IFT88: variants seen among roughly 807,000 people sequenced by gnomAD.
IFT88 encodes the protein intraflagellar transport protein 88 homolog.
In IFT88, 74 loss-of-function variants were observed where a neutral mutation model predicts 119.5. The observed-to-expected ratio is 0.62, with a 90% CI of 0.51 to 0.75. The LOEUF (loss-of-function observed/expected upper bound fraction) is 0.75, where lower values mean the gene tolerates loss of function less well. Ranked by LOEUF, IFT88 falls within the 30% of genes least tolerant of loss-of-function variation. IFT88 has a pLI of 0.00. For missense variants in IFT88, 961 were observed against 977.7 expected (o/e 0.98, Z 0.23); for synonymous variants, 279 against 316.7 (o/e 0.88, Z 1.26).
chr13:20,645,223 G>A (rs974301114), intron 20 of IFT88, among the ~76,000 whole-genome samples: 14 of 152,060 alleles, frequency 9.2e-5, no homozygotes, highest in African/African-American at 3.1e-4. Flanking sequence ...CCGAGTAGCT[G>A]GGATTACAGT....
chr13:20,583,341 A>G (rs2039066956), intron 3 of IFT88, among the ~76,000 whole-genome samples: 1 of 152,184 alleles, frequency 6.6e-6, no homozygotes, highest in Non-Finnish European at 1.5e-5. Flanking sequence ...TGACTGGCTT[A>G]TTCACTTAGT....
At chr13:20,668,193 G>T (rs988798984) in intron 23 of IFT88, among the ~76,000 whole-genome samples, 6 of 152,160 alleles carry the variant, frequency 3.9e-5, no homozygotes, top group African/African-American at 1.4e-4. Flanking sequence ...CACAGAGTCT[G>T]TCCTGTTGCC....
intron 20 of IFT88, among the ~76,000 whole-genome samples, chr13:20,651,264 T>C (rs1436228190): frequency 2.0e-5 from 3 of 151,790 alleles, no homozygotes; most frequent in Non-Finnish European, 4.4e-5. Flanking sequence ...TTGAGTAGTA[T>C]TGTTTTCTTA....
rs75483166 is a variant in IFT88 at position 20,610,383 on chromosome 13, G to A, written c.1112+5278G>A. Among the ~76,000 whole-genome samples, 500 of 152,218 alleles carry A rather than the reference G, an allele frequency of 3.3e-3. 1 individual carries two copies. Among genetic ancestry groups the A allele is most frequent in the African/African-American group, 0.011 (453 of 41,522 alleles). The stretch of plus-strand genomic sequence containing the variant: ...GTATTATTTTTCAGAAGAATTTGCC[G>A]TGTGCCTTCACCGAAGGCAGTCAAG... On this transcript the variant is annotated intron_variant, in intron 13 of 25. Coordinates refer to ENST00000351808, the MANE Select transcript of IFT88 (RefSeq NM_006531.5).
chr13:20,620,722 C>T (rs2046338994), intron 14 of IFT88, among the ~76,000 whole-genome samples: 3 of 152,194 alleles, frequency 2.0e-5, no homozygotes, highest in East Asian at 1.9e-4. Flanking sequence ...CCTGCCACCA[C>T]GCCTGGCTAA....
At chr13:20,586,864 ATT>A (rs1309040093) in intron 3 of IFT88, among the ~76,000 whole-genome samples, 3 of 152,022 alleles carry the variant, frequency 2.0e-5, no homozygotes, top group African/African-American at 7.2e-5. Flanking sequence ...CAATTCAGAC[ATT>A]TGTTTTCCTA....
At chr13:20,575,797 C>G (rs1394232509) in intron 2 of IFT88, among the ~76,000 whole-genome samples, 1 of 152,172 alleles carries the variant, frequency 6.6e-6, no homozygotes, top group Non-Finnish European at 1.5e-5. Flanking sequence ...ATTTTAATTG[C>G]AAAACTGCAA....
intron 22 of IFT88, 156 bp from the exon 23 acceptor site, chr13:20,663,342 A>G: frequency 1.3e-6 from 2 of 1,519,272 alleles, no homozygotes; most frequent in Non-Finnish European, 1.8e-6. Context: ...TCCCTGGTCC[A>G]GAGATTGCAA....
rs1566207521 is a variant in IFT88, at chr13:20,615,994, ATC to A, written c.1199+116_1199+117del. 3 of 528,186 alleles carry A rather than the reference ATC, an allele frequency of 5.7e-6. No homozygotes were observed. In the African/African-American group the frequency reaches 6.0e-5, roughly 10 times the overall value. The allele number at this position is 528,186 out of a possible 1,614,324, so 32.7% of individuals were successfully genotyped here. ...TGGATATGAATGTTGATTCATATTT[ATC>A]AAGCAGATAATATTGTATGTTCAGA... On this transcript the variant is annotated intron_variant, in intron 14 of 25. Transcript: ENST00000351808.
chr13:20,607,577 G>A lies in IFT88; in HGVS notation c.1112+2472G>A, dbSNP rs544505442. 5.6e-5 allele frequency: 41 copies of A among 738,336 alleles called. No individual in the cohort carries two copies. The South Asian group carries it at 5.8e-4, about 10-fold the overall frequency. The allele number at this position is 738,336 out of a possible 1,614,324, so 45.7% of individuals were successfully genotyped here. On this transcript the variant is annotated intron_variant, in intron 13 of 25. Transcript: ENST00000351808. ...TCTCCAAAAAGATCTTGAGAGATTTGCGGATCCACCATCTCCCGCTGCTCA... is the reference window on the plus strand; with the variant it reads ...TCTCCAAAAAGATCTTGAGAGATTTACGGATCCACCATCTCCCGCTGCTCA...
chr13:20,571,652 G>A (rs1004258522), intron 1 of IFT88, among the ~76,000 whole-genome samples: 1 of 152,190 alleles, frequency 6.6e-6, no homozygotes, highest in South Asian at 2.1e-4. Context: ...GTGGTCTTTG[G>A]TATGTCCAAA....
chr13:20,614,855 AC>A (rs1484529528), intron 13 of IFT88, among the ~76,000 whole-genome samples: 1 of 135,038 alleles, frequency 7.4e-6, no homozygotes, highest in African/African-American at 2.7e-5. Context: ...TCACTCTATC[AC>A]CCAGGCTGGA....
intron 13 of IFT88, among the ~76,000 whole-genome samples, chr13:20,606,018 T>G (rs2043375307): frequency 3.8e-5 from 1 of 26,018 alleles, no homozygotes; most frequent in Admixed American, 6.8e-4. Flanking sequence ...GGTTTCATGA[T>G]GTAGGCATGA....
At chr13:20,677,285 A>G (rs2056783401) in intron 24 of IFT88, among the ~76,000 whole-genome samples, 1 of 152,190 alleles carries the variant, frequency 6.6e-6, no homozygotes, top group Admixed American at 6.5e-5. Flanking sequence ...TAATGGGATC[A>G]ATAGAAGTAG....
At chr13:20,658,636 G>T (rs536871047) in intron 22 of IFT88, among the ~76,000 whole-genome samples, 80 of 152,288 alleles carry the variant, frequency 5.3e-4, no homozygotes, top group African/African-American at 1.8e-3. Context: ...TGACATTTGG[G>T]ATTGTGCAAT....
chr13:20,655,678 G>A (rs2052650931), intron 21 of IFT88, among the ~76,000 whole-genome samples: 1 of 151,888 alleles, frequency 6.6e-6, no homozygotes, highest in African/African-American at 2.4e-5. Flanking sequence ...ATTTTTAGTA[G>A]AGAAGGGGTT....
chr13:20,675,005 G>A (rs975370869), intron 24 of IFT88, among the ~76,000 whole-genome samples: 6 of 151,996 alleles, frequency 3.9e-5, no homozygotes, highest in Admixed American at 1.3e-4. Flanking sequence ...GAGCCACCGC[G>A]CCTGGCCAGT....
chr13:20,573,906 G>A (rs1332759550), intron 1 of IFT88, among the ~76,000 whole-genome samples: 2 of 151,958 alleles, frequency 1.3e-5, no homozygotes, highest in Non-Finnish European at 2.9e-5. Context: ...TGTGAAATGA[G>A]GACAATAACT....
At chr13:20,604,802 A>G (rs1400657454) in intron 12 of IFT88, among the ~76,000 whole-genome samples, 1 of 152,056 alleles carries the variant, frequency 6.6e-6, no homozygotes. Flanking sequence ...AAAAAATACA[A>G]AAATTAGCCA....
Sources: gnomAD v4.1 joint callset for allele counts (sites outside exome capture counted in the v4.1 genomes callset) on GRCh38, gnomAD v4.1.1 for gene constraint, MANE v1.5 for transcripts, NCBI Gene and HGNC (gene_info 2026-07-23, HGNC 2026-07-21) for gene names.